The following FOCAD variants were observed in gnomAD, a reference collection of about 807,000 sequenced individuals.
FOCAD encodes the protein focadhesin, also known as KIAA1797.
A neutral mutation model predicts 225.6 loss-of-function variants in FOCAD; 198 were observed. The observed-to-expected ratio is 0.88, with a 90% CI of 0.78 to 0.99. The LOEUF is 0.99. FOCAD is among the 50% of genes least tolerant of loss of function. FOCAD has a pLI of 0.00. For synonymous variants in FOCAD, 897 were observed against 755.0 expected (o/e 1.19, Z -3.08); for missense variants, 2,713 against 2,123.6 (o/e 1.28, Z -5.46).
At chr9:20,844,585 T>A (rs983747735) in intron 15 of FOCAD, among the ~76,000 whole-genome samples, 3 of 151,932 alleles carry the variant, frequency 2.0e-5, no homozygotes, top group Admixed American at 2.0e-4. Flanking sequence ...GGTCTCAAAC[T>A]CCTGACCTCA....
At chr9:20,745,642 G>C (rs1827983286) in intron 5 of FOCAD, among the ~76,000 whole-genome samples, 2 of 152,156 alleles carry the variant, frequency 1.3e-5, no homozygotes, top group African/African-American at 4.8e-5. Context: ...GCTAAAGTGA[G>C]GAAATAGCTG....
chr9:20,978,724 T>C (rs1275036089), intron 37 of FOCAD, among the ~76,000 whole-genome samples: 1 of 152,250 alleles, frequency 6.6e-6, no homozygotes, highest in East Asian at 1.9e-4. Flanking sequence ...CTCAAGATCA[T>C]ATAGCTAGAA....
At chr9:20,885,699 G>A (rs1295032573) in intron 21 of FOCAD, among the ~76,000 whole-genome samples, 1 of 152,106 alleles carries the variant, frequency 6.6e-6, no homozygotes, top group East Asian at 1.9e-4. Context: ...TAAAAATAAA[G>A]TTCTGTGATT....
At chr9:20,849,456 A>C (rs980850800) in intron 15 of FOCAD, among the ~76,000 whole-genome samples, 1 of 151,780 alleles carries the variant, frequency 6.6e-6, no homozygotes, top group African/African-American at 2.4e-5. Context: ...TAGTCAGTCA[A>C]CCTTAATGTT....
intron 21 of FOCAD, among the ~76,000 whole-genome samples, chr9:20,892,115 T>C (rs1184981623): frequency 2.0e-5 from 3 of 152,182 alleles, no homozygotes; most frequent in Non-Finnish European, 4.4e-5. Flanking sequence ...TAAGAACTAC[T>C]GCTTAGAAAA....
At chr9:20,661,647 A>AT (rs1821728476) in intron 2 of FOCAD, among the ~76,000 whole-genome samples, 1 of 152,210 alleles carries the variant, frequency 6.6e-6, no homozygotes, top group Non-Finnish European at 1.5e-5. Context: ...AAAAGAGGTC[A>AT]ATATTTAGAA....
chr9:20,820,698 G>A (rs938374174), intron 13 of FOCAD, among the ~76,000 whole-genome samples: 2 of 152,118 alleles, frequency 1.3e-5, no homozygotes, highest in Middle Eastern at 3.4e-3. Flanking sequence ...TAAATGATTA[G>A]AGCCTTTGTA....
At position 20,821,015 on chromosome 9, in the gene FOCAD, C is replaced by A. The variant is rs938906226; in HGVS notation, c.1737C>A (p.Val579=). 6.2e-7 allele frequency: 1 copy of A among 1,612,404 alleles called. No individual in the cohort carries two copies. The highest frequency in any genetic ancestry group is 1.3e-5 in the African/African-American group (1 of 74,778). Residue 579 remains valine, a synonymous_variant, in exon 14 of 44, where the codon GTC becomes GTA. Coordinates refer to ENST00000338382, the MANE Select transcript of FOCAD (RefSeq NM_001375567.1). The part of the protein sequence containing the change: ...DVPSLSVGKE[V]QWEKLIAKAA... The stretch of plus-strand genomic sequence containing the variant: ...CTTCTCTTTCGGTGGGCAAGGAAGT[C>A]CAATGGGAGAAACTGATTGCAAAAG...
intron 2 of FOCAD, among the ~76,000 whole-genome samples, chr9:20,677,532 T>G (rs1479904216): frequency 6.6e-6 from 1 of 152,062 alleles, no homozygotes. Context: ...CCAAATAACC[T>G]TATTAAAAAA....
rs562259408 is a variant in FOCAD at position 20,813,054 on chromosome 9, A to G, written c.1456-6742A>G. On this transcript the variant is annotated intron_variant, in intron 11 of 43. Transcript: ENST00000338382. ...CCTCCCCAACTGTCTGGCAACCACC[A>G]TTCTACTTTCTGCTCTAAGAGTTTG... Among the ~76,000 whole-genome samples, 198 of 152,176 alleles carry G rather than the reference A, an allele frequency of 1.3e-3. 5 individuals carry two copies. The South Asian group carries it at 0.018, about 14-fold the overall frequency.
At chr9:20,766,656 A>T (rs1830075804) in intron 7 of FOCAD, among the ~76,000 whole-genome samples, 6 of 134,862 alleles carry the variant, frequency 4.4e-5, no homozygotes, top group East Asian at 2.2e-4. Flanking sequence ...TTTCCTCCTC[A>T]CCTCCCTCCC....
At chr9:20,894,430 T>C (rs1049687110) in intron 21 of FOCAD, among the ~76,000 whole-genome samples, 6 of 152,046 alleles carry the variant, frequency 3.9e-5, no homozygotes, top group Non-Finnish European at 7.4e-5. Flanking sequence ...AGAGTGTGTT[T>C]GGTTTTGGTA....
chr9:20,721,854 C>T (rs925712976), intron 4 of FOCAD, among the ~76,000 whole-genome samples: 1 of 145,972 alleles, frequency 6.9e-6, no homozygotes, highest in Non-Finnish European at 1.5e-5. Context: ...TTAATTTTGC[C>T]CTGTTCTGCC....
At chr9:20,679,202 G>C (rs1822327047) in intron 2 of FOCAD, among the ~76,000 whole-genome samples, 1 of 150,344 alleles carries the variant, frequency 6.7e-6, no homozygotes, top group Non-Finnish European at 1.5e-5. Flanking sequence ...TGCAGGGGAG[G>C]GAGATCATGT....
chr9:20,661,521 A>G (rs1215077359), intron 2 of FOCAD, among the ~76,000 whole-genome samples: 1 of 152,224 alleles, frequency 6.6e-6, no homozygotes, highest in Non-Finnish European at 1.5e-5. Flanking sequence ...GCCAAGGAGC[A>G]CAGACTAGGC....
chr9:20,785,219 T>C (rs1340947073), intron 10 of FOCAD, among the ~76,000 whole-genome samples: 1 of 152,212 alleles, frequency 6.6e-6, no homozygotes, highest in Admixed American at 6.5e-5. Context: ...AACCCAATTC[T>C]TTTTTAATAG....
chr9:20,895,922 TGA>T (rs1832044061), intron 21 of FOCAD, among the ~76,000 whole-genome samples: 1 of 151,920 alleles, frequency 6.6e-6, no homozygotes, highest in Non-Finnish European at 1.5e-5. Flanking sequence ...AAAAGAATAG[TGA>T]GAGAGGACAT....
intron 15 of FOCAD, among the ~76,000 whole-genome samples, chr9:20,836,145 A>T (rs543743722): frequency 6.6e-6 from 1 of 152,086 alleles, no homozygotes; most frequent in Non-Finnish European, 1.5e-5. Context: ...ATGATTTTCA[A>T]TGGGACTCAG....
chr9:20,775,476 A>G (rs1229702255), intron 8 of FOCAD, among the ~76,000 whole-genome samples: 1 of 152,212 alleles, frequency 6.6e-6, no homozygotes, highest in Non-Finnish European at 1.5e-5. Context: ...TTTGTAGGAA[A>G]AATGATCTGT....
Sources: allele counts gnomAD v4.1 joint callset (sites outside exome capture counted in the v4.1 genomes callset), GRCh38; gene constraint gnomAD v4.1.1; transcripts MANE v1.5; gene names NCBI Gene and HGNC (gene_info 2026-07-23, HGNC 2026-07-21).